The following MTG1 variants were observed in gnomAD, a reference collection of about 807,000 sequenced individuals.
MTG1 encodes the protein mitochondrial ribosome-associated GTPase 1.
A neutral mutation model predicts 39.5 loss-of-function variants in MTG1; 30 were observed. The observed-to-expected ratio is 0.76, with a 90% CI of 0.57 to 1.03. The LOEUF (loss-of-function observed/expected upper bound fraction) is 1.03. Among genes scored for constraint, MTG1 ranks in the 50% least tolerant of loss-of-function variants. The probability of loss-of-function intolerance (pLI) is 0.00; values close to 1 mark genes in which losing one functional copy is unlikely to be tolerated. For synonymous variants in MTG1, 217 were observed against 179.0 expected (o/e 1.21, Z -1.69); for missense variants, 513 against 447.4 (o/e 1.15, Z -1.32).
rs750022890 is a variant in MTG1 at position 133,402,279 on chromosome 10, G to A, written c.670+34G>A. 6 of 1,611,422 alleles carry A rather than the reference G, an allele frequency of 3.7e-6. No individual in the cohort carries two copies. The African/African-American group carries it at 8.0e-5, about 22-fold the overall frequency. The stretch of plus-strand genomic sequence containing the variant: ...GGGCTGGGGCTGGGGCTGGGGCTGG[G>A]ACCGGGGCCCCTGCCACCCCACCTT... On this transcript the variant is annotated intron_variant, in intron 8 of 10. Transcript: ENST00000317502. The surrounding 1 kb of genome is among the most constrained non-coding windows in gnomAD (Gnocchi z 4.7).
intron 1 of MTG1, 25 bp from the exon 2 acceptor site, chr10:133,395,688 G>C: frequency 6.2e-7 from 1 of 1,612,928 alleles, no homozygotes; most frequent in Non-Finnish European, 8.5e-7. Flanking sequence ...GAGCCCCTTC[G>C]CTGAGGCGTC....
chr10:133,401,980 G>A (rs1849884817), intron 7 of MTG1, 169 bp from the exon 8 acceptor site: 6 of 672,864 alleles, frequency 8.9e-6, no homozygotes, highest in Non-Finnish European at 1.5e-5. Flanking sequence ...GTGGGAATTA[G>A]ATCCTCTGGG....
chr10:133,414,531 G>A (rs1216662498), intron 9 of MTG1, among the ~76,000 whole-genome samples: 1 of 150,022 alleles, frequency 6.7e-6, no homozygotes, highest in Non-Finnish European at 1.5e-5. Flanking sequence ...AGACGGGGTC[G>A]CGGCCGGGCA....
chr10:133,399,075 T>C lies in MTG1; in HGVS notation c.364-95T>C, dbSNP rs1331911243. The C allele has an allele frequency of 4.5e-6, 6 of 1,347,508 alleles. No homozygotes were observed. In the East Asian group the frequency reaches 1.4e-4, roughly 31 times the overall value. The allele number at this position is 1,347,508 out of a possible 1,614,324, so 83.5% of individuals were successfully genotyped here. A position where few individuals can be genotyped will look rare whatever the true frequency, so the allele number is the denominator to read the frequency against. On this transcript the variant is annotated intron_variant, in intron 4 of 10. Coordinates refer to ENST00000317502, the MANE Select transcript of MTG1 (RefSeq NM_138384.4). The stretch of plus-strand genomic sequence containing the variant: ...AACGGATATGTGAAAGTGGAGACAC[T>C]GGAATCCCTAATCCTGTTCTGAGGT...
At chr10:133,401,138 C>T (rs913072930) in intron 6 of MTG1, among the ~76,000 whole-genome samples, 2 of 152,078 alleles carry the variant, frequency 1.3e-5, no homozygotes, top group African/African-American at 4.8e-5. Context: ...AGGGGTGGGT[C>T]CAGGAGGGAG....
intron 4 of MTG1, 112 bp from the exon 5 acceptor site, chr10:133,399,058 T>C (rs1849829398): frequency 3.4e-6 from 4 of 1,168,726 alleles, no homozygotes; most frequent in Non-Finnish European, 3.8e-6. Flanking sequence ...CTAACGGATA[T>C]GTGAAAGTGG....
intron 9 of MTG1, among the ~76,000 whole-genome samples, chr10:133,404,961 C>A (rs1264775296): frequency 6.6e-6 from 1 of 152,144 alleles, no homozygotes; most frequent in Non-Finnish European, 1.5e-5. Context: ...GTGCTGGTAG[C>A]CCCCACTCTT....
chr10:133,411,874 GT>G lies in MTG1; in HGVS notation c.753-7597del, dbSNP rs921609476. 1.1e-4 allele frequency among the ~76,000 whole-genome samples: 16 copies of G among 150,918 alleles called. No individual in the cohort carries two copies. In the South Asian group the frequency reaches 2.7e-3, roughly 26 times the overall value. ...TCTGTGTTTTATTGGAGTTTGCTGA[GT>G]TTTTTTTTAACTGTTACCTTGAATT... On this transcript the variant is annotated intron_variant, in intron 9 of 10. Coordinates refer to ENST00000317502, the MANE Select transcript of MTG1 (RefSeq NM_138384.4).
chr10:133,402,636 G>T lies in MTG1; in HGVS notation c.671-56G>T. Reference sequence around the variant, plus strand: ...GACTGGAAGGGATGTGTTTGAACTTGGCAGGAACATAGATGTGGCTGTTTC... The same window carrying T: ...GACTGGAAGGGATGTGTTTGAACTTTGCAGGAACATAGATGTGGCTGTTTC... On this transcript the variant is annotated intron_variant, in intron 8 of 10. Transcript: ENST00000317502. This position sits in a 1 kb window ranked among gnomAD's most constrained non-coding sequence, Gnocchi z 4.7. The T allele has an allele frequency of 6.7e-7, 1 of 1,481,504 alleles. No homozygotes were observed. Among genetic ancestry groups the T allele is most frequent in the Non-Finnish European group, 9.2e-7 (1 of 1,083,472 alleles). The allele number at this position is 1,481,504 out of a possible 1,614,324, so 91.8% of individuals were successfully genotyped here.
chr10:133,417,389 G>T (rs1850147595), intron 9 of MTG1, among the ~76,000 whole-genome samples: 1 of 150,028 alleles, frequency 6.7e-6, no homozygotes, highest in Non-Finnish European at 1.5e-5. Context: ...AAAATAATAA[G>T]AGCTATCTAT....
At chr10:133,405,921 A>G (rs765275098) in intron 9 of MTG1, among the ~76,000 whole-genome samples, 9 of 152,228 alleles carry the variant, frequency 5.9e-5, no homozygotes, top group Admixed American at 2.0e-4. Flanking sequence ...ACTGTTTTCC[A>G]TAGTAGCTGT....
chr10:133,396,830 C>T (rs1434233211), intron 3 of MTG1, among the ~76,000 whole-genome samples: 1 of 152,184 alleles, frequency 6.6e-6, no homozygotes, highest in Non-Finnish European at 1.5e-5. Context: ...TTCTGTTATG[C>T]CCAGACAGGG....
chr10:133,414,767 G>A (rs945859369), intron 9 of MTG1, among the ~76,000 whole-genome samples: 45 of 152,330 alleles, frequency 3.0e-4, no homozygotes, highest in Admixed American at 5.2e-4. Flanking sequence ...ATGGGGTGGC[G>A]GCCGGGCAGA....
chr10:133,411,912 C>T (rs752628839), intron 9 of MTG1, among the ~76,000 whole-genome samples: 12 of 151,700 alleles, frequency 7.9e-5, no homozygotes, highest in African/African-American at 2.4e-4. Flanking sequence ...TTGATTTGAG[C>T]GCTTACACGT....
intron 4 of MTG1, among the ~76,000 whole-genome samples, chr10:133,398,719 C>G (rs868575474): frequency 3.3e-5 from 5 of 152,168 alleles, no homozygotes; most frequent in Admixed American, 1.3e-4. Context: ...TAGACGCATT[C>G]CAGGGTTGTA....
rs184350002 is a variant in MTG1 at position 133,395,350 on chromosome 10, G to A, written c.113-363G>A. Among the ~76,000 whole-genome samples, 68 of 152,300 alleles carry A rather than the reference G, an allele frequency of 4.5e-4. 1 individual carries two copies. The highest frequency in any genetic ancestry group is 4.6e-4 in the Admixed American group (7 of 15,306). ...GCGGAGGTTGCAGTGAGCCGAGATCGTGCCACTGCACTCCAGCCTGGGTGA... is the reference window on the plus strand; with the variant it reads ...GCGGAGGTTGCAGTGAGCCGAGATCATGCCACTGCACTCCAGCCTGGGTGA... On this transcript the variant is annotated intron_variant, in intron 1 of 10. Coordinates refer to ENST00000317502, the MANE Select transcript of MTG1 (RefSeq NM_138384.4).
chr10:133,416,770 A>G (rs1482019026), intron 9 of MTG1, among the ~76,000 whole-genome samples: 4 of 146,846 alleles, frequency 2.7e-5, no homozygotes, highest in African/African-American at 1.0e-4. Flanking sequence ...TCCATGGTGT[A>G]TATGTGCCAC....
At chr10:133,415,985 G>A (rs1295990227) in intron 9 of MTG1, among the ~76,000 whole-genome samples, 1 of 147,436 alleles carries the variant, frequency 6.8e-6, no homozygotes, top group African/African-American at 2.5e-5. Context: ...GCGGGTGTCG[G>A]CACGCGGGTG....
chr10:133,402,121 C>T lies in MTG1; in HGVS notation c.574-28C>T. The T allele has an allele frequency of 1.2e-6, 2 of 1,613,662 alleles. No individual in the cohort carries two copies. The highest frequency in any genetic ancestry group is 1.7e-6 in the Non-Finnish European group (2 of 1,179,886). ...CCTGGGTGGGAGGCTGCCACCGCGG[C>T]CTGATCATGCCCTCTGTGCCCACAC... On this transcript the variant is annotated intron_variant, in intron 7 of 10. Coordinates refer to ENST00000317502, the MANE Select transcript of MTG1 (RefSeq NM_138384.4). The surrounding 1 kb of genome is among the most constrained non-coding windows in gnomAD (Gnocchi z 4.7).
Sources: gnomAD v4.1 joint callset for allele counts (sites outside exome capture counted in the v4.1 genomes callset) on GRCh38, gnomAD v4.1.1 for gene constraint, Gnocchi (gnomAD v3.1) non-coding constraint, MANE v1.5 for transcripts, NCBI Gene and HGNC (gene_info 2026-07-23, HGNC 2026-07-21) for gene names.